The following CD164 variants were observed in gnomAD, a reference collection of about 807,000 sequenced individuals.
CD164 encodes the protein CD164 molecule, also known as sialomucin core protein 24.
A neutral mutation model predicts 24.6 loss-of-function variants in CD164; 11 were observed. The ratio of observed to expected loss-of-function variants is 0.45; its 90% CI spans 0.28 to 0.74. The LOEUF is 0.74. CD164 is among the 30% of genes least tolerant of loss of function. The probability of loss-of-function intolerance (pLI) is 0.13; values close to 1 mark genes in which losing one functional copy is unlikely to be tolerated. For synonymous variants in CD164, 126 were observed against 100.3 expected, an observed-to-expected ratio of 1.26 and a Z score of -1.53; for missense variants, 295 against 243.7, an observed-to-expected ratio of 1.21 and a Z score of -1.40.
At chr6:109,378,876 TTTG>T (rs1465773189) in intron 2 of CD164, among the ~76,000 whole-genome samples, 11 of 141,928 alleles carry the variant, frequency 7.8e-5, no homozygotes, top group African/African-American at 2.1e-4. Context: ...AAACTTATGG[TTTG>T]TTTTTACTTA....
At chr6:109,374,309 A>G (rs1343324054) in intron 4 of CD164, among the ~76,000 whole-genome samples, 1 of 152,192 alleles carries the variant, frequency 6.6e-6, no homozygotes, top group African/African-American at 2.4e-5. Flanking sequence ...ATCTTAAACT[A>G]AAATCCCAAA....
intron 3 of CD164, 56 bp from the exon 4 acceptor site, chr6:109,376,168 C>T (rs541991303): frequency 3.8e-5 from 48 of 1,250,064 alleles, no homozygotes; most frequent in Middle Eastern, 2.0e-4. Context: ...TAAAATATCA[C>T]AATCTATAAC....
chr6:109,377,905 C>A lies in CD164; in HGVS notation c.326G>T (p.Cys109Phe). Residue 109 changes from cysteine (C) to phenylalanine (F), a missense_variant, in exon 3 of 6, where the codon TGT (cysteine) becomes TTT (phenylalanine). Coordinates refer to ENST00000310786, the MANE Select transcript of CD164 (RefSeq NM_006016.6). ...CAGCCAATATGAATACTTACCGGAA[C>A]AGAAGTCTGTCGTGTTCCCCACTTG... ...DCQVGNTTDF[C>F]SVSTATPVPT... is the part of the protein sequence containing the mutation. 1.2e-6 allele frequency: 2 copies of A among 1,613,122 alleles called. No individual in the cohort carries two copies. Among genetic ancestry groups the A allele is most frequent in the South Asian group, 2.2e-5 (2 of 91,054 alleles).
intron 1 of CD164, 58 bp downstream of exon 1, chr6:109,382,146 A>G: frequency 7.4e-7 from 1 of 1,357,028 alleles, no homozygotes; most frequent in East Asian, 3.1e-5. Context: ...CACGGCGAGG[A>G]GGCAGTGCGG....
intron 4 of CD164, 49 bp downstream of exon 4, chr6:109,376,025 A>T: frequency 7.1e-7 from 1 of 1,401,806 alleles, no homozygotes; most frequent in African/African-American, 1.5e-5. Flanking sequence ...CCATCAAGAA[A>T]GCTTAAAAAT....
At chr6:109,379,839 G>GTT (rs1771636050) in intron 1 of CD164, 177 bp from the exon 2 acceptor site, 3 of 541,332 alleles carry the variant, frequency 5.5e-6, no homozygotes, top group Non-Finnish European at 9.7e-6. Context: ...TTACAAAGCT[G>GTT]TAAGTAAACG....
At chr6:109,380,093 T>C (rs181294339) in intron 1 of CD164, 2,438 of 132,694 alleles carry the variant, frequency 0.018, 65 homozygotes, top group African/African-American at 0.093. Flanking sequence ...GTAGTAACAG[T>C]AGTAGTTTAA....
At chr6:109,370,005 T>C (rs1210704820) in intron 5 of CD164, among the ~76,000 whole-genome samples, 1 of 152,236 alleles carries the variant, frequency 6.6e-6, no homozygotes, top group African/African-American at 2.4e-5. Flanking sequence ...CATCTGGTAG[T>C]GATTCTGGCT....
chr6:109,381,729 C>G (rs979488981), intron 1 of CD164: 7 of 593,526 alleles, frequency 1.2e-5, no homozygotes, highest in Middle Eastern at 3.9e-4. Context: ...GTTTCTCTTT[C>G]CCGGACTTCC....
chr6:109,370,135 A>G (rs763110599), intron 5 of CD164, among the ~76,000 whole-genome samples: 1 of 152,222 alleles, frequency 6.6e-6, no homozygotes, highest in Non-Finnish European at 1.5e-5. Flanking sequence ...TAGATTTTAC[A>G]TACAAGTTGT....
chr6:109,380,152 T>C (rs750736113), intron 1 of CD164: 7 of 152,348 alleles, frequency 4.6e-5, no homozygotes, highest in Non-Finnish European at 8.8e-5. Flanking sequence ...CAAACAAAGA[T>C]AATTTCCCAG....
In CD164 at chr6:109,371,823, T is replaced by G. The variant is rs1032516590; in HGVS notation, c.371-1356A>C. ...TTGTCTCAGGAAATCATTAGGTAAG[T>G]CAGGCTTCAGAGTGCAAGGGCTTCA... On this transcript the variant is annotated intron_variant, in intron 4 of 5. Coordinates refer to ENST00000310786, the MANE Select transcript of CD164 (RefSeq NM_006016.6). 2.0e-5 allele frequency: 3 copies of G among 152,956 alleles called. No homozygotes were observed. In the South Asian group the frequency reaches 6.2e-4, roughly 32 times the overall value. 9.5% of individuals were successfully genotyped at this position (152,956 alleles called of 1,614,324 possible). A position where few individuals can be genotyped will look rare whatever the true frequency, so the allele number is the denominator to read the frequency against.
At chr6:109,373,954 A>T (rs887877221) in intron 4 of CD164, among the ~76,000 whole-genome samples, 2 of 152,188 alleles carry the variant, frequency 1.3e-5, no homozygotes, top group African/African-American at 4.8e-5. Flanking sequence ...CCAGCTCCAC[A>T]CACCACTGCG....
rs1210990195 is a variant in CD164 at position 109,368,687 on chromosome 6, A to AT, written c.*163dup. On this transcript the variant is annotated 3_prime_UTR_variant, in exon 6 of 6. Transcript: ENST00000310786. ...CCTGTTGAACACAATGATTTAATTG[A>AT]TTTTTTCTTCACGGATGATGCTCCC... 30 of 1,381,568 alleles carry AT rather than the reference A, an allele frequency of 2.2e-5. No individual in the cohort carries two copies. The highest frequency in any genetic ancestry group is 8.2e-5 in the East Asian group (3 of 36,646). 85.6% of individuals were successfully genotyped at this position (1,381,568 alleles called of 1,614,324 possible).
intron 4 of CD164, among the ~76,000 whole-genome samples, chr6:109,375,487 G>A (rs915913221): frequency 2.0e-5 from 3 of 151,852 alleles, no homozygotes; most frequent in African/African-American, 7.3e-5. Flanking sequence ...CATGATGGCA[G>A]GTGCCTGTAA....
rs770823706 is a variant in CD164 at position 109,382,270 on chromosome 6, C to T, written c.109G>A (p.Ala37Thr). Residue 37 changes from alanine to threonine, a missense_variant, in exon 1 of 6, where the codon GCG (alanine) becomes ACG (threonine). Ala to Thr is a moderately conservative substitution (Grantham distance 58, BLOSUM62 0). Transcript: ENST00000310786. ...TTQHPNVTTL[A>T]PISNVTSAPV... is the part of the protein sequence containing the mutation. ...GCCGAGGTTACGTTGGAGATGGGCGCTAAAGTCGTCACGTTCGGGTGCTGG... is the reference window on the plus strand; with the variant it reads ...GCCGAGGTTACGTTGGAGATGGGCGTTAAAGTCGTCACGTTCGGGTGCTGG... 10 of 1,589,750 alleles carry T rather than the reference C, an allele frequency of 6.3e-6. No individual in the cohort carries two copies. Among genetic ancestry groups the T allele is most frequent in the Non-Finnish European group, 8.5e-6 (10 of 1,170,734 alleles).
chr6:109,374,841 CA>C (rs1446963834), intron 4 of CD164, among the ~76,000 whole-genome samples: 1 of 152,142 alleles, frequency 6.6e-6, no homozygotes, highest in African/African-American at 2.4e-5. Context: ...AGTGCAGTTT[CA>C]CTACCAAGCT....
intron 2 of CD164, among the ~76,000 whole-genome samples, chr6:109,379,116 G>A (rs57875068): frequency 0.015 from 2,261 of 152,196 alleles, 58 homozygotes; most frequent in African/African-American, 0.052. Context: ...AGTTTCATAA[G>A]GTCTCTTTAT....
chr6:109,381,070 G>A (rs1432792746), intron 1 of CD164, among the ~76,000 whole-genome samples: 1 of 152,056 alleles, frequency 6.6e-6, no homozygotes, highest in South Asian at 2.1e-4. Flanking sequence ...ATTACACTTC[G>A]GCATTCTTCG....
Sources: gnomAD v4.1 joint callset for allele counts (sites outside exome capture counted in the v4.1 genomes callset) on GRCh38, gnomAD v4.1.1 for gene constraint, MANE v1.5 for transcripts, NCBI Gene and HGNC (gene_info 2026-07-23, HGNC 2026-07-21) for gene names.